The following ZFHX3 variants were observed in gnomAD, a reference collection of about 807,000 sequenced individuals.
ZFHX3 encodes the protein zinc finger homeobox 3.
In ZFHX3, 42 loss-of-function variants were observed where a neutral mutation model predicts 279.1. The observed-to-expected ratio is 0.15, with a 90% CI of 0.12 to 0.19. ZFHX3 has a LOEUF of 0.19. Ranked by LOEUF, ZFHX3 falls within the 10% of genes least tolerant of loss-of-function variation. ZFHX3 has a pLI of 1.00. For synonymous variants in ZFHX3, 2,293 were observed against 1,957.8 expected (o/e 1.17, Z -4.52); for missense variants, 4,981 against 4,754.0 (o/e 1.05, Z -1.40).
chr16:73,400,196 C>T (rs1311398261), intron 3 of ZFHX3: 1 of 152,084 alleles, frequency 6.6e-6, no homozygotes, highest in Non-Finnish European at 1.5e-5. Flanking sequence ...CACAGCTAAC[C>T]AGAGAAGATA....
At chr16:73,532,529 C>G (rs115161097) in intron 2 of ZFHX3, among the ~76,000 whole-genome samples, 2,992 of 152,264 alleles carry the variant, frequency 0.02, 57 homozygotes, top group African/African-American at 0.045. Context: ...AGAAATCAGT[C>G]ATTCATTAGT....
chr16:73,340,513 C>G (rs531531170), intron 3 of ZFHX3, among the ~76,000 whole-genome samples: 1 of 152,166 alleles, frequency 6.6e-6, no homozygotes, highest in Non-Finnish European at 1.5e-5. Context: ...CATGCCATCA[C>G]GTCCAGCTAC....
chr16:73,073,182 C>T (rs548424521), intron 8 of ZFHX3, among the ~76,000 whole-genome samples: 1 of 152,314 alleles, frequency 6.6e-6, no homozygotes, highest in Admixed American at 6.5e-5. Context: ...CAGGCGTGAG[C>T]TACCGTGCCC....
At chr16:73,459,370 T>G (rs528024822) in intron 2 of ZFHX3, among the ~76,000 whole-genome samples, 1 of 152,268 alleles carries the variant, frequency 6.6e-6, no homozygotes, top group East Asian at 1.9e-4. Flanking sequence ...TTGTTGTTTT[T>G]TTTTCTGAGA....
rs980546081 is a variant in ZFHX3 at position 72,783,014 on chromosome 16, ATTT to A, written c.*4147_*4149del. 2.0e-5 allele frequency: 3 copies of A among 151,718 alleles called. No individual in the cohort carries two copies. The highest frequency in any genetic ancestry group is 7.3e-5 in the African/African-American group (3 of 41,140). The allele number at this position is 151,718 out of a possible 1,614,324, so 9.4% of individuals were successfully genotyped here. On this transcript the variant is annotated 3_prime_UTR_variant, in exon 10 of 10. Transcript: ENST00000268489. ...TATGACAACAAAGTTTTTGTGACAA[ATTT>A]TTTTTTCAGTTTGAAAGTTCCATGT...
chr16:73,141,611 T>G (rs965033195), intron 6 of ZFHX3, among the ~76,000 whole-genome samples: 5 of 152,134 alleles, frequency 3.3e-5, no homozygotes, highest in African/African-American at 1.2e-4. Flanking sequence ...TTACCCAGGC[T>G]GGTCTCAAAC....
At chr16:72,872,922 T>C (rs2038200341) in intron 4 of ZFHX3, among the ~76,000 whole-genome samples, 1 of 152,224 alleles carries the variant, frequency 6.6e-6, no homozygotes, top group African/African-American at 2.4e-5. Flanking sequence ...CAGAATGGCC[T>C]GCTCATTGGC....
intron 5 of ZFHX3, among the ~76,000 whole-genome samples, chr16:73,156,049 G>A (rs182669623): frequency 1.6e-4 from 24 of 151,844 alleles, no homozygotes; most frequent in Non-Finnish European, 2.8e-4. Context: ...TGGCTAACAC[G>A]GTGAAACCCC....
At chr16:73,209,309 T>C (rs889578535) in intron 5 of ZFHX3, among the ~76,000 whole-genome samples, 1 of 152,200 alleles carries the variant, frequency 6.6e-6, no homozygotes, top group African/African-American at 2.4e-5. Context: ...TTTGTGCTGC[T>C]AGAACAGAAT....
At chr16:73,230,287 A>T (rs562870509) in intron 5 of ZFHX3, among the ~76,000 whole-genome samples, 1 of 152,364 alleles carries the variant, frequency 6.6e-6, no homozygotes, top group South Asian at 2.1e-4. Context: ...ATTGTACCCA[A>T]CTGGAATGGA....
intron 1 of ZFHX3, among the ~76,000 whole-genome samples, chr16:73,001,818 C>CAA (rs796274085): frequency 1.4e-5 from 2 of 139,926 alleles, no homozygotes; most frequent in Admixed American, 7.2e-5. Context: ...TGAGACCCTT[C>CAA]AAAAAAAAAA....
At position 73,834,757 on chromosome 16, in the gene ZFHX3, G is replaced by A. The variant is rs994025777; in HGVS notation, c.-1608+56894C>T. On this transcript the variant is annotated intron_variant, in intron 1 of 17. Coordinates refer to the ZFHX3 transcript ENST00000641206. ...AATACAAAATTTAGCTGGGCATGGT[G>A]GCGCATGCCTGTAGTCCCAGCTACT... 1.1e-4 allele frequency among the ~76,000 whole-genome samples: 16 copies of A among 152,330 alleles called. No individual in the cohort carries two copies. In the East Asian group the frequency reaches 1.9e-3, roughly 18 times the overall value.
intron 5 of ZFHX3, among the ~76,000 whole-genome samples, chr16:73,197,935 T>TTTTTTG: frequency 7.7e-6 from 1 of 130,338 alleles, no homozygotes; most frequent in Non-Finnish European, 1.6e-5. Context: ...TTTTTTTTTT[T>TTTTTTG]TTTTTTTTTT....
chr16:72,873,221 G>A (rs535694250), intron 4 of ZFHX3, among the ~76,000 whole-genome samples: 1 of 152,230 alleles, frequency 6.6e-6, no homozygotes, highest in African/African-American at 2.4e-5. Flanking sequence ...TTCCCTCACA[G>A]CAACCAGTAT....
chr16:73,658,755 A>C (rs1158712426), intron 2 of ZFHX3, among the ~76,000 whole-genome samples: 1 of 152,234 alleles, frequency 6.6e-6, no homozygotes, highest in Non-Finnish European at 1.5e-5. Flanking sequence ...TAATTTGAAA[A>C]TTTAGCACAA....
intron 1 of ZFHX3, among the ~76,000 whole-genome samples, chr16:72,967,748 C>G (rs1333516585): frequency 6.9e-6 from 1 of 144,026 alleles, no homozygotes; most frequent in African/African-American, 2.6e-5. Flanking sequence ...AACCCCGTCT[C>G]TACTAAAAAT....
chr16:73,466,463 C>A (rs985201705), intron 2 of ZFHX3, among the ~76,000 whole-genome samples: 1 of 152,130 alleles, frequency 6.6e-6, no homozygotes, highest in Non-Finnish European at 1.5e-5. Flanking sequence ...GCTTGGGTAA[C>A]AGAGTGAGAC....
At chr16:72,899,508 G>A (rs1268372086) in intron 3 of ZFHX3, among the ~76,000 whole-genome samples, 2 of 152,122 alleles carry the variant, frequency 1.3e-5, no homozygotes, top group African/African-American at 2.4e-5. Flanking sequence ...ACCCAGTCTC[G>A]GGTATGTCTT....
intron 7 of ZFHX3, among the ~76,000 whole-genome samples, chr16:72,810,855 A>G (rs2143582963): frequency 6.6e-6 from 1 of 152,208 alleles, no homozygotes; most frequent in South Asian, 2.1e-4. Flanking sequence ...TTATCTGCTG[A>G]TGGGAATGTG....
Sources: allele counts gnomAD v4.1 joint callset (sites outside exome capture counted in the v4.1 genomes callset), GRCh38; gene constraint gnomAD v4.1.1; transcripts MANE v1.5; gene names NCBI Gene and HGNC (gene_info 2026-07-23, HGNC 2026-07-21).